The following FSTL5 variants were observed in gnomAD, a reference collection of about 807,000 sequenced individuals.
The protein encoded by FSTL5 is follistatin like 5, also known as follistatin-related protein 5.
In FSTL5, 62 loss-of-function variants were observed where a neutral mutation model predicts 89.1. That is an observed-to-expected ratio of 0.70 (90% CI 0.57 to 0.86). FSTL5 has a LOEUF of 0.86. Ranked by LOEUF, FSTL5 falls within the 40% of genes least tolerant of loss-of-function variation. The pLI is 0.00. For missense variants in FSTL5, 1,057 were observed against 1,001.6 expected, an observed-to-expected ratio of 1.06 and a Z score of -0.75; for synonymous variants, 383 against 346.2, an observed-to-expected ratio of 1.11 and a Z score of -1.18.
intron 7 of FSTL5, among the ~76,000 whole-genome samples, chr4:161,593,385 T>C (rs1733897179): frequency 6.6e-6 from 1 of 152,064 alleles, no homozygotes; most frequent in Non-Finnish European, 1.5e-5. Context: ...AAAAATAGCT[T>C]CCCTCAAACT....
intron 15 of FSTL5, among the ~76,000 whole-genome samples, chr4:161,411,289 G>C (rs28830836): frequency 0.15 from 23,376 of 151,598 alleles, 1,954 homozygotes; most frequent in East Asian, 0.24. Flanking sequence ...CCTACTAAAA[G>C]TTTTCAAACA....
chr4:161,528,226 C>T (rs1731296128), intron 10 of FSTL5, among the ~76,000 whole-genome samples: 1 of 139,954 alleles, frequency 7.1e-6, no homozygotes, highest in African/African-American at 2.6e-5. Flanking sequence ...AGCACACCAG[C>T]ATGTCACATG....
chr4:161,938,718 G>A (rs753959355), intron 3 of FSTL5, among the ~76,000 whole-genome samples: 21 of 151,888 alleles, frequency 1.4e-4, no homozygotes, highest in East Asian at 5.8e-4. Flanking sequence ...ATTACATATC[G>A]AAATAATTGC....
chr4:161,524,279 T>A (rs1731132966), intron 10 of FSTL5, among the ~76,000 whole-genome samples: 1 of 152,152 alleles, frequency 6.6e-6, no homozygotes, highest in Admixed American at 6.5e-5. Context: ...AACTTTGAAT[T>A]GTCCTGCTTT....
At chr4:161,439,988 C>T (rs1560896050) in intron 15 of FSTL5, among the ~76,000 whole-genome samples, 1 of 152,028 alleles carries the variant, frequency 6.6e-6, no homozygotes, top group East Asian at 1.9e-4. Flanking sequence ...TAGAGTATTG[C>T]CATATCTGGA....
intron 8 of FSTL5, among the ~76,000 whole-genome samples, chr4:161,550,436 G>A (rs1252879103): frequency 1.3e-5 from 2 of 151,756 alleles, no homozygotes; most frequent in Admixed American, 6.6e-5. Context: ...TAAAGCACAC[G>A]TTTAGGCTCT....
At chr4:161,537,444 C>T (rs562751125) in intron 10 of FSTL5, among the ~76,000 whole-genome samples, 1 of 152,296 alleles carries the variant, frequency 6.6e-6, no homozygotes, top group African/African-American at 2.4e-5. Context: ...GCAAAGAATG[C>T]ACTTGATAAA....
chr4:161,728,163 A>G (rs1739482660), intron 6 of FSTL5, among the ~76,000 whole-genome samples: 5 of 152,210 alleles, frequency 3.3e-5, no homozygotes, highest in Admixed American at 6.5e-5. Flanking sequence ...AGAGATTTAT[A>G]AAGAGTAGTA....
intron 4 of FSTL5, among the ~76,000 whole-genome samples, chr4:161,860,493 C>T (rs1224028135): frequency 6.6e-6 from 1 of 152,158 alleles, no homozygotes; most frequent in African/African-American, 2.4e-5. Context: ...TATCAATCTG[C>T]TTCCAGGGTC....
chr4:162,075,840 C>A (rs1729816667), intron 2 of FSTL5, among the ~76,000 whole-genome samples: 1 of 151,858 alleles, frequency 6.6e-6, no homozygotes, highest in South Asian at 2.1e-4. Flanking sequence ...GCTGTCACAA[C>A]TGTGTCAGTT....
intron 4 of FSTL5, among the ~76,000 whole-genome samples, chr4:161,864,744 C>T (rs1732023122): frequency 6.6e-6 from 1 of 151,808 alleles, no homozygotes; most frequent in Admixed American, 6.6e-5. Context: ...TGGTGGTGTG[C>T]ACCTGTAGTC....
intron 3 of FSTL5, among the ~76,000 whole-genome samples, chr4:161,946,968 G>A (rs1435297649): frequency 6.6e-6 from 1 of 152,064 alleles, no homozygotes; most frequent in Admixed American, 6.6e-5. Context: ...TTTTCCTGAT[G>A]AAAAATTATA....
intron 1 of FSTL5, among the ~76,000 whole-genome samples, chr4:162,147,782 G>A (rs1443927591): frequency 6.6e-6 from 1 of 152,124 alleles, no homozygotes; most frequent in Non-Finnish European, 1.5e-5. Context: ...GGTGGCTGAG[G>A]TGGGTGGATC....
intron 6 of FSTL5, among the ~76,000 whole-genome samples, chr4:161,719,142 T>A (rs899218953): frequency 3.3e-5 from 5 of 152,186 alleles, no homozygotes; most frequent in Admixed American, 6.5e-5. Flanking sequence ...GAGATAAGAG[T>A]CCAATTTCAT....
At chr4:161,936,039 T>G (rs1287286201) in intron 3 of FSTL5, among the ~76,000 whole-genome samples, 1 of 151,990 alleles carries the variant, frequency 6.6e-6, no homozygotes, top group Non-Finnish European at 1.5e-5. Flanking sequence ...AAACATTAGC[T>G]GGGCCTGGAT....
intron 3 of FSTL5, among the ~76,000 whole-genome samples, chr4:161,938,852 T>A (rs1479662574): frequency 6.6e-6 from 1 of 152,020 alleles, no homozygotes; most frequent in African/African-American, 2.4e-5. Context: ...TGGTTATTCT[T>A]AATTTATCCT....
chr4:161,757,189 T>G (rs1740600169), intron 6 of FSTL5, among the ~76,000 whole-genome samples: 1 of 152,190 alleles, frequency 6.6e-6, no homozygotes, highest in African/African-American at 2.4e-5. Flanking sequence ...CTCCAAAAGT[T>G]TAAATTCACT....
At chr4:162,047,718 C>T (rs1183239460) in intron 2 of FSTL5, among the ~76,000 whole-genome samples, 3 of 151,424 alleles carry the variant, frequency 2.0e-5, no homozygotes, top group Non-Finnish European at 4.4e-5. Context: ...CCAGCTTTTT[C>T]GGAGGCTGAG....
At chr4:161,404,603 CT>C (rs1201706529) in intron 15 of FSTL5, among the ~76,000 whole-genome samples, 1 of 151,566 alleles carries the variant, frequency 6.6e-6, no homozygotes, top group African/African-American at 2.4e-5. Flanking sequence ...TTTAGAAAAT[CT>C]TTGTTAAACC....
Sources: gnomAD v4.1 joint callset for allele counts (sites outside exome capture counted in the v4.1 genomes callset) on GRCh38, gnomAD v4.1.1 for gene constraint, MANE v1.5 for transcripts, NCBI Gene and HGNC (gene_info 2026-07-23, HGNC 2026-07-21) for gene names.